Variants in MYOM2 observed in about 807,000 individuals in gnomAD.
MYOM2 encodes myomesin-2.
Under a neutral mutation model 187.6 loss-of-function variants are expected in MYOM2, and 254 were observed. That is an observed-to-expected ratio of 1.35 (90% confidence interval 1.22 to 1.50). MYOM2 has a LOEUF of 1.50. Among genes scored for constraint, MYOM2 ranks in the 40% most tolerant of loss-of-function variants. The pLI is 0.00. For synonymous variants in MYOM2, 981 were observed against 753.8 expected (o/e 1.30, Z -4.94); for missense variants, 2,796 against 1,924.0 (o/e 1.45, Z -8.48).
chr8:2,053,990 C>A (rs1380493302), intron 3 of MYOM2, among the ~76,000 whole-genome samples: 2 of 152,174 alleles, frequency 1.3e-5, no homozygotes, highest in African/African-American at 4.8e-5. Flanking sequence ...ATTGTGAAGC[C>A]TGCTCTATCA....
rs1230268181 is a variant in MYOM2, at chr8:2,136,437, C to A, written c.3801-4286C>A. 2.0e-5 allele frequency among the ~76,000 whole-genome samples: 3 copies of A among 152,206 alleles called. No individual in the cohort carries two copies. In the East Asian group the frequency reaches 5.8e-4, roughly 29 times the overall value. ...GATTTGGTGTCCAGTGGACACCATT[C>A]CTTCATTACAGTGGTTTTTACCCTT... is the stretch of plus-strand genomic sequence containing the variant. On this transcript the variant is annotated intron_variant, in intron 32 of 36. Coordinates refer to ENST00000262113, the MANE Select transcript of MYOM2 (RefSeq NM_003970.4).
chr8:2,117,991 A>G (rs770456500), intron 28 of MYOM2, 39 bp downstream of exon 28: 4 of 1,551,904 alleles, frequency 2.6e-6, no homozygotes, highest in Non-Finnish European at 3.6e-6. Flanking sequence ...AATAAATCTC[A>G]TTCTGGTTCC....
At chr8:2,143,126 C>G (rs1309982410) in intron 35 of MYOM2, among the ~76,000 whole-genome samples, 1 of 152,148 alleles carries the variant, frequency 6.6e-6, no homozygotes, top group Non-Finnish European at 1.5e-5. Flanking sequence ...TCGGTGAATT[C>G]TTCACCCTTC....
intron 32 of MYOM2, among the ~76,000 whole-genome samples, chr8:2,130,388 T>C (rs74603853): frequency 0.02 from 1,029 of 50,906 alleles, no homozygotes; most frequent in Middle Eastern, 0.038. Flanking sequence ...ATACCCAGGG[T>C]GCCCACACCC....
chr8:2,139,741 A>G (rs983841127), intron 32 of MYOM2, among the ~76,000 whole-genome samples: 17 of 152,120 alleles, frequency 1.1e-4, no homozygotes, highest in African/African-American at 3.4e-4. Flanking sequence ...ACCTGTGACT[A>G]TGACTTCCAC....
chr8:2,069,152 C>G, intron 6 of MYOM2, 126 bp from the exon 7 acceptor site: 2 of 868,972 alleles, frequency 2.3e-6, no homozygotes, highest in South Asian at 3.5e-5. Context: ...TGTTCTTGCA[C>G]AAATCACTCA....
At chr8:2,089,831 T>C (rs1024586277) in intron 14 of MYOM2, among the ~76,000 whole-genome samples, 177 bp from the exon 15 acceptor site, 3 of 152,212 alleles carry the variant, frequency 2.0e-5, no homozygotes, top group East Asian at 1.9e-4. Context: ...CTTCTCCAAA[T>C]TGGCATCATG....
intron 32 of MYOM2, among the ~76,000 whole-genome samples, chr8:2,135,544 AC>A (rs755011364): frequency 6.6e-5 from 10 of 151,580 alleles, no homozygotes; most frequent in Non-Finnish European, 1.5e-4. Flanking sequence ...TCTCCTTCCT[AC>A]CTACCCCGTC....
intron 31 of MYOM2, chr8:2,127,594 T>A (rs971741533): frequency 6.1e-6 from 1 of 165,070 alleles, no homozygotes; most frequent in Non-Finnish European, 1.3e-5. Context: ...CGTGACGCGG[T>A]GACGCAGCCG....
At chr8:2,134,056 A>G (rs569577813) in intron 32 of MYOM2, among the ~76,000 whole-genome samples, 1 of 151,738 alleles carries the variant, frequency 6.6e-6, no homozygotes, top group Non-Finnish European at 1.5e-5. Context: ...TGTATTGTGT[A>G]CCCACCTTAT....
chr8:2,109,586 G>A (rs1485520365), intron 25 of MYOM2, 55 bp downstream of exon 25: 2 of 1,550,462 alleles, frequency 1.3e-6, no homozygotes, highest in South Asian at 1.2e-5. Context: ...TTTTGTTGTG[G>A]TAGGTCAGTT....
At chr8:2,087,655 G>A (rs1796140919) in intron 14 of MYOM2, among the ~76,000 whole-genome samples, 1 of 152,150 alleles carries the variant, frequency 6.6e-6, no homozygotes, top group South Asian at 2.1e-4. Context: ...TTGTCACTCA[G>A]GCTAGAGTGC....
At chr8:2,124,124 C>T (rs1797551804) in intron 30 of MYOM2, 55 bp from the exon 31 acceptor site, 5 of 1,520,766 alleles carry the variant, frequency 3.3e-6, no homozygotes, top group Middle Eastern at 1.7e-4. Context: ...ATTGAAAATG[C>T]TGCTTTCGGT....
chr8:2,133,863 T>G (rs1400186558), intron 32 of MYOM2, among the ~76,000 whole-genome samples: 4 of 151,996 alleles, frequency 2.6e-5, no homozygotes, highest in Non-Finnish European at 4.4e-5. Context: ...ATTTATAATA[T>G]TTCTAAATCG....
At chr8:2,120,976 TAAAAG>T (rs1306948895) in intron 28 of MYOM2, among the ~76,000 whole-genome samples, 2 of 151,772 alleles carry the variant, frequency 1.3e-5, no homozygotes, top group East Asian at 3.9e-4. Context: ...AAAACATTTA[TAAAAG>T]AAGAGAAGGT....
intron 8 of MYOM2, among the ~76,000 whole-genome samples, chr8:2,070,085 C>T (rs1458720637): frequency 6.6e-6 from 1 of 152,206 alleles, no homozygotes; most frequent in Non-Finnish European, 1.5e-5. Flanking sequence ...TTCACCCTAG[C>T]AGTCCCATGG....
At position 2,130,458 on chromosome 8, in the gene MYOM2, A is replaced by G. The variant is rs116009299; in HGVS notation, c.3800+1226A>G. 8.7e-3 allele frequency among the ~76,000 whole-genome samples: 1,328 copies of G among 152,204 alleles called. 29 individuals are homozygous for G. The highest frequency in any genetic ancestry group is 0.031 in the African/African-American group (1,276 of 41,464). On this transcript the variant is annotated intron_variant, in intron 32 of 36. Transcript: ENST00000262113. The stretch of plus-strand genomic sequence containing the variant: ...CAGGGCGCCCACACCCTGCCTTTAG[A>G]TATCATAGTTACCTAATGAATATTT...
At chr8:2,120,680 T>TATATATACATATAATATA in intron 28 of MYOM2, among the ~76,000 whole-genome samples, 1 of 48,300 alleles carries the variant, frequency 2.1e-5, no homozygotes, top group African/African-American at 6.6e-5. Context: ...ATATATTATA[T>TATATATACATATAATATA]TATATATAAA....
intron 6 of MYOM2, among the ~76,000 whole-genome samples, chr8:2,067,552 T>C (rs958784568): frequency 6.6e-6 from 1 of 152,148 alleles, no homozygotes; most frequent in Non-Finnish European, 1.5e-5. Flanking sequence ...GAGGGCTTGG[T>C]GTTGAGTAAA....
Sources: allele counts gnomAD v4.1 joint callset (sites outside exome capture counted in the v4.1 genomes callset), GRCh38; gene constraint gnomAD v4.1.1; transcripts MANE v1.5; gene names NCBI Gene and HGNC (gene_info 2026-07-23, HGNC 2026-07-21).